Variants in EPG5 observed in about 807,000 individuals in gnomAD.
EPG5 encodes ectopic P granules protein 5 homolog.
Under a neutral mutation model 302.7 loss-of-function variants are expected in EPG5, and 159 were observed. The ratio of observed to expected loss-of-function variants is 0.53; its 90% CI spans 0.46 to 0.60. The LOEUF is 0.60. EPG5 is among the 20% of genes least tolerant of loss of function. EPG5 has a pLI of 0.00. For synonymous variants in EPG5, 1,158 were observed against 1,136.8 expected (o/e 1.02, Z -0.37); for missense variants, 2,896 against 3,092.4 (o/e 0.94, Z 1.51).
the EPG5 span, among the ~76,000 whole-genome samples, chr18:45,816,518 C>T: frequency 6.6e-6 from 1 of 152,070 alleles, no homozygotes; most frequent in Non-Finnish European, 1.5e-5. Context: ...GGCCAAAAAA[C>T]ATGAAAAAAT....
At chr18:45,915,381 A>C in intron 20 of EPG5, 130 bp downstream of exon 20, 1 of 674,140 alleles carries the variant, frequency 1.5e-6, no homozygotes, top group Non-Finnish European at 2.6e-6. Context: ...GATTAAATGA[A>C]AAAGTATACT....
rs2051287134 is a variant in EPG5 at position 45,967,234 on chromosome 18, G to A, written c.6C>T (p.Ala2=). Reference sequence around the variant, plus strand: ...CCCGGCGCTGGGGCTTCACCGCCTCGGCCATAGACCCTTCCGCGGCGCCGT... The same window carrying A: ...CCCGGCGCTGGGGCTTCACCGCCTCAGCCATAGACCCTTCCGCGGCGCCGT... M[A]EAVKPQRRAK... Residue 2 remains alanine, a synonymous_variant, in exon 1 of 44, where the codon GCC becomes GCT. Transcript: ENST00000282041. 3 of 1,601,036 alleles carry A rather than the reference G, an allele frequency of 1.9e-6. No homozygotes were observed. The highest frequency in any genetic ancestry group is 1.7e-4 in the Middle Eastern group (1 of 6,060).
At chr18:45,852,772 A>G (rs1321787697) in intron 43 of EPG5, 123 bp from the exon 44 acceptor site, 3 of 845,676 alleles carry the variant, frequency 3.5e-6, no homozygotes, top group Non-Finnish European at 5.6e-6. Flanking sequence ...GGAGGCCTAC[A>G]GAACTGAGGC....
In EPG5 at chr18:45,865,737, GC is replaced by G; in HGVS notation, c.6643del (p.Ala2215LeufsTer21). The G allele has an allele frequency of 6.2e-7, 1 of 1,605,070 alleles. No homozygotes were observed. The highest frequency in any genetic ancestry group is 8.5e-7 in the Non-Finnish European group (1 of 1,177,484). ...GAATTGAACCATCTGATGAGTAAAAGCTTGGCATTTTGGAACTGCATCCTGA... is the reference window on the plus strand; with the variant it reads ...GAATTGAACCATCTGATGAGTAAAAGTTGGCATTTTGGAACTGCATCCTGA... ...KHLDAVPKCQ[A>X]FTHQMVQFLS... On this transcript the variant is annotated frameshift_variant, in exon 39 of 44. Transcript: ENST00000282041. LOFTEE classifies it high-confidence loss of function.
At chr18:45,929,440 A>T (rs1683211075) in intron 12 of EPG5, among the ~76,000 whole-genome samples, 1 of 152,242 alleles carries the variant, frequency 6.6e-6, no homozygotes, top group African/African-American at 2.4e-5. Flanking sequence ...CTCCTTTTGA[A>T]TTATGTCTTC....
the EPG5 span, among the ~76,000 whole-genome samples, chr18:45,826,510 T>C: frequency 6.6e-6 from 1 of 152,092 alleles, no homozygotes; most frequent in Non-Finnish European, 1.5e-5. Flanking sequence ...TTCACCACCT[T>C]CTTGGGTGAT....
At chr18:45,896,621 T>A (rs1237915506) in intron 27 of EPG5, among the ~76,000 whole-genome samples, 1 of 152,168 alleles carries the variant, frequency 6.6e-6, no homozygotes, top group Non-Finnish European at 1.5e-5. Flanking sequence ...CACAGCTCAC[T>A]GCAGCCTGGA....
chr18:45,950,158 C>T (rs1405586446), intron 4 of EPG5, among the ~76,000 whole-genome samples: 2 of 152,084 alleles, frequency 1.3e-5, no homozygotes, highest in African/African-American at 2.4e-5. Context: ...AATTTTTGAT[C>T]GATACTTTAT....
chr18:45,953,285 A>T (rs566898516), intron 2 of EPG5: 14 of 984,708 alleles, frequency 1.4e-5, no homozygotes, highest in South Asian at 4.7e-5. Flanking sequence ...AGCCAATGTG[A>T]TATCTCCAAA....
intron 27 of EPG5, among the ~76,000 whole-genome samples, chr18:45,893,741 T>G (rs1325591646): frequency 6.6e-6 from 1 of 152,140 alleles, no homozygotes; most frequent in East Asian, 1.9e-4. Flanking sequence ...AAATATACAG[T>G]AAGCAGTGTA....
At chr18:45,925,283 C>A (rs909784801) in intron 14 of EPG5, among the ~76,000 whole-genome samples, 8 of 152,086 alleles carry the variant, frequency 5.3e-5, no homozygotes, top group Admixed American at 5.2e-4. Flanking sequence ...ACCAGCCTGG[C>A]CAACATGGCA....
chr18:45,838,779 C>T, the EPG5 span: 1 of 1,570,530 alleles, frequency 6.4e-7, no homozygotes, highest in South Asian at 1.1e-5. Context: ...TCCGCGCGCT[C>T]TGCACTGCCG....
chr18:45,801,262 C>T, the EPG5 span, among the ~76,000 whole-genome samples: 13 of 152,176 alleles, frequency 8.5e-5, no homozygotes, highest in Non-Finnish European at 1.8e-4. Flanking sequence ...TCTTGAACTC[C>T]TGACCTCAAG....
intron 17 of EPG5, among the ~76,000 whole-genome samples, chr18:45,917,063 G>C (rs903929999): frequency 6.6e-6 from 1 of 152,136 alleles, no homozygotes; most frequent in Non-Finnish European, 1.5e-5. Context: ...AGCTCTTTTG[G>C]GCAAATTGGA....
At chr18:45,822,061 A>C in the EPG5 span, among the ~76,000 whole-genome samples, 5 of 152,254 alleles carry the variant, frequency 3.3e-5, no homozygotes. Context: ...ATTTATCCAA[A>C]GAAAAGAAAC....
At chr18:45,890,885 GC>G (rs1055263991) in intron 27 of EPG5, among the ~76,000 whole-genome samples, 23 of 152,132 alleles carry the variant, frequency 1.5e-4, no homozygotes, top group Admixed American at 1.2e-3. Flanking sequence ...AGACTGGGGA[GC>G]TGAGAGAGCC....
rs1555658680 is a variant in EPG5, at chr18:45,852,303, A to ACC, written c.*162_*163dup. On this transcript the variant is annotated 3_prime_UTR_variant, in exon 44 of 44. Coordinates refer to ENST00000282041, the MANE Select transcript of EPG5 (RefSeq NM_020964.3). ...AAAACACACACACACACACACACAC[A>ACC]CCCCAAAATTATCTAATATCTAACG... The ACC allele has an allele frequency of 4.6e-5, 28 of 604,250 alleles. No homozygotes were observed. The highest frequency in any genetic ancestry group is 2.8e-4 in the African/African-American group (15 of 53,260). 37.4% of individuals were successfully genotyped at this position (604,250 alleles called of 1,614,324 possible). A position where few individuals can be genotyped will look rare whatever the true frequency, so the allele number is the denominator to read the frequency against.
the EPG5 span, chr18:45,838,704 C>T: frequency 3.8e-6 from 6 of 1,560,956 alleles, no homozygotes; most frequent in Non-Finnish European, 5.2e-6. Flanking sequence ...AGTCACCCGC[C>T]TTCTCCCCTG....
chr18:45,936,783 T>TAAA (rs2050537019), intron 10 of EPG5, among the ~76,000 whole-genome samples: 1 of 113,330 alleles, frequency 8.8e-6, no homozygotes, highest in Non-Finnish European at 1.7e-5. Context: ...TGTTATTAAA[T>TAAA]TAAAAAAAAA....
Sources: allele counts gnomAD v4.1 joint callset (sites outside exome capture counted in the v4.1 genomes callset), GRCh38; gene constraint gnomAD v4.1.1; transcripts MANE v1.5; gene names NCBI Gene and HGNC (gene_info 2026-07-23, HGNC 2026-07-21).